MLIP: variants seen among roughly 807,000 people sequenced by gnomAD.
MLIP encodes muscular LMNA-interacting protein.
In MLIP, 79 loss-of-function variants were observed where a neutral mutation model predicts 84.8. The ratio of observed to expected loss-of-function variants is 0.93; its 90% confidence interval spans 0.78 to 1.12. The LOEUF is 1.12. Among genes scored for constraint, MLIP ranks in the 50% most tolerant of loss-of-function variants. The pLI is 0.00. For missense variants in MLIP, 1,257 were observed against 1,160.6 expected, an observed-to-expected ratio of 1.08 and a Z score of -1.21; for synonymous variants, 504 against 463.0, an observed-to-expected ratio of 1.09 and a Z score of -1.14.
In MLIP at chr6:54,129,198, A is replaced by G. The variant is rs151334049; in HGVS notation, c.645+4333A>G. Among the ~76,000 whole-genome samples, 964 of 152,242 alleles carry G rather than the reference A, an allele frequency of 6.3e-3. 4 individuals carry two copies. Among genetic ancestry groups the G allele is most frequent in the Middle Eastern group, 0.031 (9 of 294 alleles). On this transcript the variant is annotated intron_variant, in intron 3 of 13. Transcript: ENST00000502396. ...GTTATTTGGATGGGGCATTAGACAT[A>G]GAAACCCTCCATATACCCCCAGGCC... is the stretch of plus-strand genomic sequence containing the variant.
At chr6:54,220,028 C>T (rs995635885) in intron 11 of MLIP, among the ~76,000 whole-genome samples, 3 of 151,952 alleles carry the variant, frequency 2.0e-5, no homozygotes, top group Non-Finnish European at 4.4e-5. Context: ...CAAGCATAAG[C>T]AACAAGAAAT....
intron 9 of MLIP, among the ~76,000 whole-genome samples, chr6:54,186,870 T>C (rs1777445642): frequency 6.6e-6 from 1 of 152,132 alleles, no homozygotes; most frequent in Non-Finnish European, 1.5e-5. Context: ...AAAGTTCTTG[T>C]AGAACATGTG....
At chr6:54,059,567 ATCATCT>A (rs1027569632) in intron 1 of MLIP, among the ~76,000 whole-genome samples, 9 of 152,206 alleles carry the variant, frequency 5.9e-5, no homozygotes, top group African/African-American at 1.9e-4. Context: ...AAAAGAAATA[ATCATCT>A]CCAGATTTGT....
chr6:54,081,705 G>A (rs1364403908), intron 1 of MLIP, among the ~76,000 whole-genome samples: 1 of 152,084 alleles, frequency 6.6e-6, no homozygotes, highest in Non-Finnish European at 1.5e-5. Flanking sequence ...GAGGCACCGC[G>A]CCCGGCCAGG....
At chr6:54,021,786 A>G (rs531290883) in intron 1 of MLIP, among the ~76,000 whole-genome samples, 1 of 152,212 alleles carries the variant, frequency 6.6e-6, no homozygotes, top group Non-Finnish European at 1.5e-5. Flanking sequence ...ATTCTTCAAA[A>G]TTTCTTAAAT....
At chr6:54,249,758 T>C (rs1224100709) in intron 12 of MLIP, among the ~76,000 whole-genome samples, 1 of 147,600 alleles carries the variant, frequency 6.8e-6, no homozygotes, top group African/African-American at 2.5e-5. Context: ...CACACACACA[T>C]ATATATACAC....
At chr6:54,025,101 G>A (rs972695117) in intron 1 of MLIP, among the ~76,000 whole-genome samples, 2 of 151,256 alleles carry the variant, frequency 1.3e-5, no homozygotes, top group Non-Finnish European at 2.9e-5. Context: ...TGCCCGCCTC[G>A]GCCTCTCAAA....
intron 1 of MLIP, among the ~76,000 whole-genome samples, chr6:54,080,936 T>C (rs1767103369): frequency 6.6e-6 from 1 of 152,038 alleles, no homozygotes. Flanking sequence ...TTCTCCTCTT[T>C]CATGTCCCCT....
At chr6:54,215,118 A>G (rs748031633) in intron 11 of MLIP, 2 of 1,520,070 alleles carry the variant, frequency 1.3e-6, no homozygotes, top group South Asian at 2.4e-5. Flanking sequence ...TCCTCACTAA[A>G]AGCTGTCCAC....
chr6:54,240,930 C>T (rs987007646), intron 12 of MLIP, among the ~76,000 whole-genome samples: 1 of 152,146 alleles, frequency 6.6e-6, no homozygotes, highest in Non-Finnish European at 1.5e-5. Flanking sequence ...GAGCCCAAAT[C>T]GCGCCACTGC....
rs75194095 is a variant in MLIP at position 54,200,618 on chromosome 6, T to G, written c.2590-1487T>G. Among the ~76,000 whole-genome samples, 118 of 14,464 alleles carry G rather than the reference T, an allele frequency of 8.2e-3. 1 individual carries two copies. Among genetic ancestry groups the G allele is most frequent in the African/African-American group, 0.012 (113 of 9,252 alleles). The allele number at this position is 14,464 out of a possible 152,430, so 9.5% of individuals were successfully genotyped here. ...GGAACTGCCTGGACGTTTTTTTTTT[T>G]TTTTTTTTTTTTTTTGGCAGCACTT... On this transcript the variant is annotated intron_variant, in intron 10 of 13. Transcript: ENST00000502396.
chr6:54,031,931 A>G (rs1764165302), intron 1 of MLIP, among the ~76,000 whole-genome samples: 1 of 152,162 alleles, frequency 6.6e-6, no homozygotes, highest in Admixed American at 6.5e-5. Flanking sequence ...CAGCTATGGC[A>G]TTGGTGGCAG....
chr6:54,143,349 T>A (rs570113204), intron 4 of MLIP, among the ~76,000 whole-genome samples: 2 of 151,806 alleles, frequency 1.3e-5, no homozygotes, highest in Admixed American at 1.3e-4. Flanking sequence ...GGGATTACAG[T>A]CACCTGCCAC....
At chr6:54,127,467 C>T (rs1260427695) in intron 3 of MLIP, among the ~76,000 whole-genome samples, 1 of 152,056 alleles carries the variant, frequency 6.6e-6, no homozygotes, top group Admixed American at 6.6e-5. Flanking sequence ...GATATTGACA[C>T]CTTCATGAAG....
chr6:54,197,872 C>T (rs1778407407), intron 10 of MLIP, among the ~76,000 whole-genome samples: 1 of 152,112 alleles, frequency 6.6e-6, no homozygotes, highest in South Asian at 2.1e-4. Flanking sequence ...TGTTTGGACA[C>T]AGATGTAACA....
chr6:54,224,347 A>T (rs183701117), intron 11 of MLIP, among the ~76,000 whole-genome samples: 3 of 152,014 alleles, frequency 2.0e-5, no homozygotes, highest in Non-Finnish European at 4.4e-5. Flanking sequence ...CACAGGAAAT[A>T]AATACTTTAT....
At chr6:54,093,258 G>A (rs1027231555) in intron 1 of MLIP, among the ~76,000 whole-genome samples, 2 of 151,746 alleles carry the variant, frequency 1.3e-5, no homozygotes, top group Non-Finnish European at 2.9e-5. Context: ...CACAAATACA[G>A]TGTGTGTGTG....
intron 12 of MLIP, among the ~76,000 whole-genome samples, chr6:54,250,445 A>T (rs544447573): frequency 6.6e-6 from 1 of 152,250 alleles, no homozygotes; most frequent in African/African-American, 2.4e-5. Context: ...AATAGCAAAG[A>T]CATGGAATTA....
At chr6:54,180,979 T>G (rs1481781980) in intron 9 of MLIP, among the ~76,000 whole-genome samples, 1 of 152,136 alleles carries the variant, frequency 6.6e-6, no homozygotes, top group Non-Finnish European at 1.5e-5. Context: ...TATGCCTGTC[T>G]TTGAATTATC....
Sources: allele counts gnomAD v4.1 joint callset (sites outside exome capture counted in the v4.1 genomes callset), GRCh38; gene constraint gnomAD v4.1.1; transcripts MANE v1.5; gene names NCBI Gene and HGNC (gene_info 2026-07-23, HGNC 2026-07-21).